MCM7: variants seen among roughly 807,000 people sequenced by gnomAD.
MCM7 encodes minichromosome maintenance complex component 7, also known as DNA replication licensing factor MCM7.
In MCM7, 95 loss-of-function variants were observed where a neutral mutation model predicts 83.5. The observed-to-expected ratio is 1.14, with a 90% CI of 0.96 to 1.35. The LOEUF (loss-of-function observed/expected upper bound fraction) is 1.35, where lower values mean the gene tolerates loss of function less well. MCM7 is among the 40% of genes most tolerant of loss of function. MCM7 has a pLI of 0.00. For missense variants in MCM7, 1,087 were observed against 957.4 expected (o/e 1.14, Z -1.79); for synonymous variants, 461 against 352.7 (o/e 1.31, Z -3.44).
intron 10 of MCM7, 26 bp from the exon 11 acceptor site, chr7:100,096,193 T>C (rs1339718608): frequency 3.3e-6 from 5 of 1,533,578 alleles, no homozygotes; most frequent in Middle Eastern, 1.7e-4. Context: ...TAAGGAACCA[T>C]GAGAGAGAAA....
chr7:100,098,815 G>C (rs957006085), intron 5 of MCM7, 100 bp from the exon 6 acceptor site: 7 of 1,506,072 alleles, frequency 4.6e-6, no homozygotes, highest in Admixed American at 3.8e-5. Flanking sequence ...CAGACATCTT[G>C]TAAGTGTCAA....
chr7:100,094,008 A>G, intron 13 of MCM7, 165 bp downstream of exon 13: 1 of 902,456 alleles, frequency 1.1e-6, no homozygotes, highest in Non-Finnish European at 1.9e-6. Context: ...TGGAGCAGCA[A>G]GTACCCACAG....
At chr7:100,094,649 T>G (rs530224436) in intron 12 of MCM7, among the ~76,000 whole-genome samples, 2 of 152,278 alleles carry the variant, frequency 1.3e-5, no homozygotes, top group Non-Finnish European at 2.9e-5. Context: ...GCGCATGACA[T>G]GGCAAAACAT....
chr7:100,098,016 A>C, intron 7 of MCM7, 68 bp from the exon 8 acceptor site: 1 of 1,585,554 alleles, frequency 6.3e-7, no homozygotes, highest in Non-Finnish European at 8.7e-7. Context: ...ATTCCCTAAC[A>C]ATTTCTTGAC....
rs1795417202 is a variant in MCM7 at position 100,093,279 on chromosome 7, C to G, written c.1958+13G>C. 2 of 1,611,390 alleles carry G rather than the reference C, an allele frequency of 1.2e-6. No homozygotes were observed. The highest frequency in any genetic ancestry group is 2.7e-5 in the African/African-American group (2 of 74,904). The stretch of plus-strand genomic sequence containing the variant: ...CAAAGTGACACAGCTTTGTCCTTCA[C>G]TAAACCACTCACCTAGCTGTCTGCC... On this transcript the variant is annotated intron_variant, in intron 14 of 14. Transcript: ENST00000303887.
At position 100,098,715 on chromosome 7, in the gene MCM7, T is replaced by C; in HGVS notation, c.583A>G (p.Ile195Val). ...AGAGGCATGAAAGTGGGAGACTGGATCTAGGATGTGAGAACAGAAACACCA... is the reference window on the plus strand; with the variant it reads ...AGAGGCATGAAAGTGGGAGACTGGACCTAGGATGTGAGAACAGAAACACCA... ...DQCGAETYQP[I>V]QSPTFMPLIM... Residue 195 changes from isoleucine (I) to valine (V), a missense_variant and splice_region_variant, in exon 6 of 15, where the codon ATC (isoleucine) becomes GTC (valine). By Grantham distance (29) the Ile-to-Val change is conservative. Transcript: ENST00000303887. 6.2e-7 allele frequency: 1 copy of C among 1,614,044 alleles called. No homozygotes were observed. The highest frequency in any genetic ancestry group is 8.5e-7 in the Non-Finnish European group (1 of 1,179,998).
chr7:100,095,809 C>T lies in MCM7; in HGVS notation c.1560G>A (p.Leu520=). The change falls in exon 11 of 15, where the codon CTG becomes CTA. Residue 520 remains leucine, a synonymous_variant. Transcript: ENST00000303887. The part of the protein sequence containing the change: ...ALLSRFDLLW[L]IQDRPDRDND... The stretch of plus-strand genomic sequence containing the variant: ...TGTCTCGGTCGGGCCGGTCCTGAAT[C>T]AGCCAGAGGAGGTCAAACCGGGAGA... 6.2e-7 allele frequency: 1 copy of T among 1,600,566 alleles called. No homozygotes were observed. The highest frequency in any genetic ancestry group is 8.5e-7 in the Non-Finnish European group (1 of 1,173,738).
At position 100,099,019 on chromosome 7, in the gene MCM7, G is replaced by A. The variant is rs373498811; in HGVS notation, c.582+4C>T. 75 of 1,613,914 alleles carry A rather than the reference G, an allele frequency of 4.6e-5. No homozygotes were observed. Among genetic ancestry groups the A allele is most frequent in the Middle Eastern group, 3.3e-4 (2 of 6,084 alleles). ...TGCTTTCCTGCTTCTTGCTCCACAC[G>A]TACCGGCTGGTAGGTCTCTGCCCCA... On this transcript the variant is annotated splice_donor_region_variant and intron_variant, in intron 5 of 14. Transcript: ENST00000303887.
intron 6 of MCM7, 75 bp downstream of exon 6, chr7:100,098,503 G>C (rs1795762974): frequency 1.3e-6 from 2 of 1,588,816 alleles, no homozygotes; most frequent in African/African-American, 1.3e-5. Context: ...CTTTCTTCCT[G>C]CCATTCCACA....
At chr7:100,100,608 G>A (rs1356579446) in intron 1 of MCM7, 5 of 990,526 alleles carry the variant, frequency 5.0e-6, no homozygotes, top group Admixed American at 1.2e-4. Flanking sequence ...AGCCAGTCCA[G>A]CCATTGGCCA....
At chr7:100,094,091 G>A in intron 13 of MCM7, 82 bp downstream of exon 13, 1 of 1,552,650 alleles carries the variant, frequency 6.4e-7, no homozygotes, top group Non-Finnish European at 8.9e-7. Flanking sequence ...GCGGGAGGTG[G>A]GGAGGCGGCA....
intron 9 of MCM7, 60 bp from the exon 10 acceptor site, chr7:100,097,444 A>G: frequency 6.3e-7 from 1 of 1,593,682 alleles, no homozygotes; most frequent in South Asian, 1.1e-5. Flanking sequence ...CCAACAACAG[A>G]GCAATTTTGA....
chr7:100,095,775 G>A lies in MCM7; in HGVS notation c.1594C>T (p.Arg532Trp), dbSNP rs775586840. The A allele has an allele frequency of 3.7e-5, 58 of 1,572,870 alleles. No individual in the cohort carries two copies. Among genetic ancestry groups the A allele is most frequent in the Admixed American group, 8.6e-5 (5 of 57,842 alleles). Residue 532 changes from arginine (R) to tryptophan (W), a missense_variant and splice_region_variant, in exon 11 of 15, where the codon CGG becomes TGG. Arg to Trp is a moderately radical substitution (Grantham distance 101, BLOSUM62 -3). Coordinates refer to ENST00000303887, the MANE Select transcript of MCM7 (RefSeq NM_005916.5). The part of the protein sequence containing the change: ...QDRPDRDNDL[R>W]LAQHITYVHQ... ...CTTTGGGTGTTGAGCTTCATTCACC[G>A]TAGGTCATTGTCTCGGTCGGGCCGG...
chr7:100,094,207 GT>G lies in MCM7; in HGVS notation c.1813del (p.Thr605ProfsTer15). The G allele has an allele frequency of 1.2e-6, 2 of 1,614,220 alleles. No homozygotes were observed. Among genetic ancestry groups the G allele is most frequent in the Non-Finnish European group, 1.7e-6 (2 of 1,180,038 alleles). ...SKDATYTSARTLLAILRLSTA... is the reference protein window; with the variant it reads ...SKDATYTSARXLLAILRLSTA... Reference sequence around the variant, plus strand: ...GGAAAGGCGCAGGATAGCCAGCAGGGTCCGGGCAGAAGTATAGGTGGCATCC... The same window carrying G: ...GGAAAGGCGCAGGATAGCCAGCAGGGCCGGGCAGAAGTATAGGTGGCATCC... On this transcript the variant is annotated frameshift_variant, in exon 13 of 15. Coordinates refer to ENST00000303887, the MANE Select transcript of MCM7 (RefSeq NM_005916.5). LOFTEE classifies it high-confidence loss of function.
rs1795571588 is a variant in MCM7, at chr7:100,095,431, C to G, written c.1635G>C (p.Arg545=). Reference sequence around the variant, plus strand: ...GAGGTTCAAACTGGGAGGGGGGCTGCCGGCTGTGCTGGTGCACATAGGTGA... The same window carrying G: ...GAGGTTCAAACTGGGAGGGGGGCTGGCGGCTGTGCTGGTGCACATAGGTGA... The part of the protein sequence containing the change: ...QHITYVHQHS[R]QPPSQFEPLD... The change falls in exon 12 of 15, where the codon CGG becomes CGC. Residue 545 remains arginine, a synonymous_variant. Transcript: ENST00000303887. 8 of 1,614,050 alleles carry G rather than the reference C, an allele frequency of 5.0e-6. No individual in the cohort carries two copies. The highest frequency in any genetic ancestry group is 6.8e-6 in the Non-Finnish European group (8 of 1,179,998).
intron 1 of MCM7, 43 bp from the exon 2 acceptor site, chr7:100,100,136 CAA>C (rs765064100): frequency 1.4e-5 from 22 of 1,605,968 alleles, no homozygotes; most frequent in Non-Finnish European, 1.9e-5. Flanking sequence ...AACTTTAAGA[CAA>C]ATCTTAGATA....
chr7:100,097,394 G>A lies in MCM7; in HGVS notation c.1118-10C>T, dbSNP rs767863694. The A allele has an allele frequency of 6.2e-7, 1 of 1,613,724 alleles. No individual in the cohort carries two copies. Among genetic ancestry groups the A allele is most frequent in the Non-Finnish European group, 8.5e-7 (1 of 1,179,606 alleles). ...CAGATGTTGATGTTGCCTGGAGGAA[G>A]GGAAGGCAGCCCTGGAATGACTCTT... is the stretch of plus-strand genomic sequence containing the variant. On this transcript the variant is annotated splice_polypyrimidine_tract_variant and intron_variant, in intron 9 of 14. Coordinates refer to ENST00000303887, the MANE Select transcript of MCM7 (RefSeq NM_005916.5).
At chr7:100,093,884 C>A (rs1270501188) in intron 13 of MCM7, 3 of 669,512 alleles carry the variant, frequency 4.5e-6, no homozygotes, top group Non-Finnish European at 8.6e-6. Context: ...AAAGGAAGGT[C>A]TGTAGCACAG....
At chr7:100,093,432 A>T in intron 13 of MCM7, 31 bp from the exon 14 acceptor site, 1 of 1,597,346 alleles carries the variant, frequency 6.3e-7, no homozygotes, top group South Asian at 1.1e-5. Context: ...AAAGATGGGA[A>T]CGGGAGGAGG....
Sources: gnomAD v4.1 joint callset for allele counts (sites outside exome capture counted in the v4.1 genomes callset) on GRCh38, gnomAD v4.1.1 for gene constraint, MANE v1.5 for transcripts, NCBI Gene and HGNC (gene_info 2026-07-23, HGNC 2026-07-21) for gene names.